The following GULP1 variants were observed in gnomAD, a reference collection of about 807,000 sequenced individuals.
The protein encoded by GULP1 is GULP PTB domain containing engulfment adaptor 1.
GULP1 carries 19 observed loss-of-function variants against 40.9 expected under a neutral mutation model. That is an observed-to-expected ratio of 0.46 (90% CI 0.32 to 0.68). The LOEUF (loss-of-function observed/expected upper bound fraction) is 0.68. GULP1 is among the 30% of genes least tolerant of loss of function. The pLI is 0.03. For missense variants in GULP1, 312 were observed against 362.2 expected (o/e 0.86, Z 1.12); for synonymous variants, 119 against 117.6 (o/e 1.01, Z -0.08).
intron 1 of GULP1, among the ~76,000 whole-genome samples, chr2:188,378,006 AAT>A (rs1272846906): frequency 2.6e-5 from 4 of 152,140 alleles, no homozygotes; most frequent in African/African-American, 9.7e-5. Flanking sequence ...CCCTTGTCTC[AAT>A]AGTCAGATGT....
chr2:188,299,348 A>G (rs1393496520), intron 1 of GULP1, among the ~76,000 whole-genome samples: 12 of 152,166 alleles, frequency 7.9e-5, no homozygotes, highest in Admixed American at 7.9e-4. Flanking sequence ...TTCAAATGGA[A>G]AACAAAGAAC....
chr2:188,504,462 T>A (rs765542342), intron 4 of GULP1, among the ~76,000 whole-genome samples: 7 of 151,924 alleles, frequency 4.6e-5, no homozygotes, highest in Non-Finnish European at 8.8e-5. Context: ...GTTATAACAA[T>A]TATAAAGAAA....
chr2:188,362,355 C>T (rs10167708), intron 1 of GULP1, among the ~76,000 whole-genome samples: 26,778 of 151,830 alleles, frequency 0.18, 2,408 homozygotes, highest in South Asian at 0.23. Flanking sequence ...GTGTAAAACA[C>T]CTCATATGTT....
At chr2:188,451,399 A>C (rs1314430062) in intron 2 of GULP1, among the ~76,000 whole-genome samples, 1 of 152,250 alleles carries the variant, frequency 6.6e-6, no homozygotes, top group Non-Finnish European at 1.5e-5. Context: ...AAACATGAGA[A>C]AACTCCAGAT....
At chr2:188,396,593 G>C (rs953864359) in intron 2 of GULP1, among the ~76,000 whole-genome samples, 26 of 152,330 alleles carry the variant, frequency 1.7e-4, no homozygotes, top group Non-Finnish European at 2.2e-4. Context: ...AAGCCTGCCT[G>C]GTGGAGACAG....
chr2:188,580,970 G>C (rs1398955730), intron 9 of GULP1, among the ~76,000 whole-genome samples: 1 of 152,172 alleles, frequency 6.6e-6, no homozygotes, highest in Non-Finnish European at 1.5e-5. Context: ...CAGTTACAAA[G>C]GCTTTGCCTG....
intron 1 of GULP1, among the ~76,000 whole-genome samples, chr2:188,304,520 G>A (rs745367248): frequency 5.9e-5 from 9 of 152,168 alleles, no homozygotes; most frequent in Non-Finnish European, 1.2e-4. Context: ...CAATTGGTAG[G>A]ATGGGAAGTA....
At chr2:188,347,989 T>C (rs1411544682) in intron 1 of GULP1, among the ~76,000 whole-genome samples, 2 of 152,216 alleles carry the variant, frequency 1.3e-5, no homozygotes, top group African/African-American at 2.4e-5. Context: ...ATGGAACTTA[T>C]TATCAACTGA....
intron 1 of GULP1, among the ~76,000 whole-genome samples, chr2:188,344,579 T>C (rs892233730): frequency 6.6e-6 from 1 of 152,252 alleles, no homozygotes; most frequent in Non-Finnish European, 1.5e-5. Flanking sequence ...TGAGAAATTA[T>C]TAATTCCTGG....
intron 2 of GULP1, among the ~76,000 whole-genome samples, chr2:188,448,191 A>C (rs951468085): frequency 1.3e-5 from 2 of 152,222 alleles, no homozygotes; most frequent in African/African-American, 4.8e-5. Context: ...AAGTTTACAT[A>C]GATAATAGAC....
chr2:188,570,863 T>C (rs1698874310), intron 9 of GULP1, among the ~76,000 whole-genome samples: 3 of 152,168 alleles, frequency 2.0e-5, no homozygotes, highest in African/African-American at 7.2e-5. Context: ...CATTTAAAAA[T>C]ATTTAATATC....
At chr2:188,465,577 C>T (rs1321693020) in intron 2 of GULP1, among the ~76,000 whole-genome samples, 2 of 152,142 alleles carry the variant, frequency 1.3e-5, no homozygotes, top group Non-Finnish European at 2.9e-5. Flanking sequence ...GGGCCCAGAG[C>T]ACTTTAGCTC....
intron 2 of GULP1, among the ~76,000 whole-genome samples, chr2:188,409,103 C>A (rs2053531039): frequency 2.0e-5 from 3 of 151,822 alleles, no homozygotes; most frequent in Admixed American, 2.0e-4. Flanking sequence ...ATTCTAAGCC[C>A]AACTCAGTAG....
At chr2:188,440,027 G>A (rs1224048262) in intron 2 of GULP1, among the ~76,000 whole-genome samples, 1 of 152,150 alleles carries the variant, frequency 6.6e-6, no homozygotes, top group Non-Finnish European at 1.5e-5. Flanking sequence ...ATAACAGAGA[G>A]GAGATACATT....
chr2:188,461,495 T>A (rs910546149), intron 2 of GULP1, among the ~76,000 whole-genome samples: 9 of 151,936 alleles, frequency 5.9e-5, no homozygotes. Flanking sequence ...TAGTTTTGTA[T>A]TTTTAGTAGA....
At chr2:188,446,834 G>A (rs1466242458) in intron 2 of GULP1, among the ~76,000 whole-genome samples, 1 of 104,028 alleles carries the variant, frequency 9.6e-6, no homozygotes, top group Non-Finnish European at 1.9e-5. Flanking sequence ...TGGAATAAAA[G>A]TTGCTCTGGT....
intron 1 of GULP1, among the ~76,000 whole-genome samples, chr2:188,361,057 G>A (rs535210356): frequency 1.3e-5 from 2 of 152,128 alleles, no homozygotes; most frequent in South Asian, 4.1e-4. Flanking sequence ...GCGTAATATT[G>A]CGCAGATGAC....
At chr2:188,550,648 C>T (rs780594985) in intron 7 of GULP1, among the ~76,000 whole-genome samples, 3 of 151,524 alleles carry the variant, frequency 2.0e-5, no homozygotes, top group East Asian at 1.9e-4. Context: ...AAGAATCATA[C>T]ATTATTAGTA....
At chr2:188,464,597 T>C (rs2059966320) in intron 2 of GULP1, among the ~76,000 whole-genome samples, 1 of 152,180 alleles carries the variant, frequency 6.6e-6, no homozygotes, top group Non-Finnish European at 1.5e-5. Context: ...TTTAGGGCAG[T>C]GAGTTGCCCC....
Sources: allele counts gnomAD v4.1 joint callset (sites outside exome capture counted in the v4.1 genomes callset), GRCh38; gene constraint gnomAD v4.1.1; transcripts MANE v1.5; gene names NCBI Gene and HGNC (gene_info 2026-07-23, HGNC 2026-07-21).